GULP1: variants seen among roughly 807,000 people sequenced by gnomAD.
The protein encoded by GULP1 is GULP PTB domain containing engulfment adaptor 1, also known as PTB domain-containing engulfment adapter protein 1.
GULP1 carries 19 observed loss-of-function variants against 40.9 expected under a neutral mutation model. That is an observed-to-expected ratio of 0.46 (90% confidence interval 0.32 to 0.68). The LOEUF (loss-of-function observed/expected upper bound fraction) is 0.68. Ranked by LOEUF, GULP1 falls within the 30% of genes least tolerant of loss-of-function variation. GULP1 has a pLI of 0.03. For synonymous variants in GULP1, 119 were observed against 117.6 expected (o/e 1.01, Z -0.08); for missense variants, 312 against 362.2 (o/e 0.86, Z 1.12).
chr2:188,320,589 C>CA (rs2039820253), intron 1 of GULP1, among the ~76,000 whole-genome samples: 1 of 151,874 alleles, frequency 6.6e-6, no homozygotes, highest in Admixed American at 6.6e-5. Context: ...TATAGCAATG[C>CA]AATGCAACAT....
chr2:188,496,890 C>T (rs1271584587), intron 4 of GULP1, among the ~76,000 whole-genome samples: 1 of 151,836 alleles, frequency 6.6e-6, no homozygotes, highest in East Asian at 1.9e-4. Flanking sequence ...GTAGCACCTC[C>T]CACTCCTTTA....
chr2:188,408,299 A>G (rs771372273), intron 2 of GULP1, among the ~76,000 whole-genome samples: 12 of 152,146 alleles, frequency 7.9e-5, no homozygotes, highest in Non-Finnish European at 1.5e-4. Flanking sequence ...ATAAACTTCT[A>G]TTGTTTATTA....
intron 2 of GULP1, among the ~76,000 whole-genome samples, chr2:188,433,405 G>A (rs1446382650): frequency 6.6e-6 from 1 of 152,090 alleles, no homozygotes; most frequent in Non-Finnish European, 1.5e-5. Context: ...CAAATGCAAA[G>A]ATGAGCTAAT....
intron 1 of GULP1, among the ~76,000 whole-genome samples, chr2:188,379,420 A>G (rs891763156): frequency 6.6e-6 from 1 of 152,186 alleles, no homozygotes; most frequent in Non-Finnish European, 1.5e-5. Context: ...GTCTGGTTCT[A>G]TTCCTATATA....
chr2:188,460,335 T>C (rs1446691763), intron 2 of GULP1, among the ~76,000 whole-genome samples: 2 of 152,144 alleles, frequency 1.3e-5, no homozygotes, highest in Admixed American at 1.3e-4. Context: ...TCGCATTTTA[T>C]AGTTTTAATT....
At chr2:188,351,763 CT>C (rs2044474851) in intron 1 of GULP1, among the ~76,000 whole-genome samples, 1 of 152,132 alleles carries the variant, frequency 6.6e-6, no homozygotes, top group African/African-American at 2.4e-5. Context: ...GCAATTACAA[CT>C]TAGTAGTCAT....
At chr2:188,503,582 G>A (rs1293263426) in intron 4 of GULP1, among the ~76,000 whole-genome samples, 1 of 151,882 alleles carries the variant, frequency 6.6e-6, no homozygotes, top group Non-Finnish European at 1.5e-5. Flanking sequence ...ATTTGTGTCA[G>A]GACACAGAAC....
chr2:188,531,671 G>A (rs755348983), intron 6 of GULP1, among the ~76,000 whole-genome samples: 1 of 152,130 alleles, frequency 6.6e-6, no homozygotes, highest in Non-Finnish European at 1.5e-5. Context: ...GCATATAATG[G>A]GATATATGTA....
chr2:188,488,625 A>G (rs1209498937), intron 4 of GULP1, among the ~76,000 whole-genome samples: 1 of 152,010 alleles, frequency 6.6e-6, no homozygotes, highest in Non-Finnish European at 1.5e-5. Context: ...GTTTGCATCA[A>G]CTGAAGTACT....
At chr2:188,411,641 G>C (rs900438639) in intron 2 of GULP1, among the ~76,000 whole-genome samples, 1 of 152,160 alleles carries the variant, frequency 6.6e-6, no homozygotes, top group African/African-American at 2.4e-5. Context: ...ACCACTAAGA[G>C]AATTTCATCC....
intron 2 of GULP1, among the ~76,000 whole-genome samples, chr2:188,433,443 A>G (rs959808918): frequency 1.3e-4 from 20 of 152,238 alleles, no homozygotes; most frequent in Admixed American, 7.2e-4. Flanking sequence ...GAAAAAGGCA[A>G]TGGAGAAGAT....
intron 9 of GULP1, among the ~76,000 whole-genome samples, chr2:188,570,682 A>G (rs1698827914): frequency 6.6e-6 from 1 of 152,182 alleles, no homozygotes; most frequent in South Asian, 2.1e-4. Context: ...CCTTTTCCCA[A>G]TACCATGTAT....
chr2:188,391,671 C>A (rs190171671), intron 2 of GULP1, among the ~76,000 whole-genome samples: 3 of 152,098 alleles, frequency 2.0e-5, no homozygotes, highest in East Asian at 3.9e-4. Context: ...TGAAAATGGG[C>A]ATCCTTTTCT....
chr2:188,382,268 T>C (rs1021053211), intron 1 of GULP1, among the ~76,000 whole-genome samples: 1 of 152,172 alleles, frequency 6.6e-6, no homozygotes, highest in African/African-American at 2.4e-5. Flanking sequence ...AGCTAATGAC[T>C]AATGAGGATT....
chr2:188,539,451 A>G (rs1689852739), intron 6 of GULP1, among the ~76,000 whole-genome samples: 1 of 152,136 alleles, frequency 6.6e-6, no homozygotes, highest in East Asian at 1.9e-4. Flanking sequence ...CAGAAAGAAG[A>G]TAGTCTCAAA....
intron 4 of GULP1, among the ~76,000 whole-genome samples, chr2:188,507,434 C>T (rs575956174): frequency 8.2e-4 from 117 of 143,492 alleles, no homozygotes; most frequent in African/African-American, 2.9e-3. Context: ...CAAGCAGTAT[C>T]CATAATTTCT....
At chr2:188,554,204 T>A (rs1046833488) in intron 7 of GULP1, among the ~76,000 whole-genome samples, 5 of 151,994 alleles carry the variant, frequency 3.3e-5, no homozygotes, top group African/African-American at 1.2e-4. Flanking sequence ...GGTTTGTTCT[T>A]ACTTTCCTAG....
chr2:188,463,738 G>T (rs567469825), intron 2 of GULP1, among the ~76,000 whole-genome samples: 143 of 151,222 alleles, frequency 9.5e-4, no homozygotes, highest in Non-Finnish European at 1.5e-3. Context: ...CAAATAGCCT[G>T]TCTTCAAGCC....
In GULP1 at chr2:188,458,090, C is replaced by T. The variant is rs939933288; in HGVS notation, c.-44-19569C>T. Among the ~76,000 whole-genome samples the T allele has an allele frequency of 9.2e-5, 14 of 152,110 alleles. 1 individual carries two copies. Among genetic ancestry groups the T allele is most frequent in the Admixed American group, 2.0e-4 (3 of 15,274 alleles). On this transcript the variant is annotated intron_variant, in intron 2 of 11. Transcript: ENST00000409830. ...ACATGCAATTAGAAGAGAAATTCTA[C>T]ACTTTCCCATCACCAAATCTACCAA... is the stretch of plus-strand genomic sequence containing the variant.
Sources: allele counts gnomAD v4.1 joint callset (sites outside exome capture counted in the v4.1 genomes callset), GRCh38; gene constraint gnomAD v4.1.1; transcripts MANE v1.5; gene names NCBI Gene and HGNC (gene_info 2026-07-23, HGNC 2026-07-21).